Variants in INPP5B observed in about 807,000 individuals in gnomAD.
INPP5B encodes inositol polyphosphate-5-phosphatase B.
A neutral mutation model predicts 118.5 loss-of-function variants in INPP5B; 90 were observed. The ratio of observed to expected loss-of-function variants is 0.76; its 90% CI spans 0.64 to 0.90. INPP5B has a LOEUF of 0.90. INPP5B is among the 40% of genes least tolerant of loss of function. The probability of loss-of-function intolerance (pLI) is 0.00; values close to 1 mark genes in which losing one functional copy is unlikely to be tolerated. For synonymous variants in INPP5B, 385 were observed against 418.9 expected (o/e 0.92, Z 0.99); for missense variants, 984 against 1,125.6 (o/e 0.87, Z 1.80).
Position 37,918,392 on chromosome 1 carries a change from T to C in INPP5B, c.532+13521A>G, listed in dbSNP as rs942583290. On this transcript the variant is annotated intron_variant, in intron 7 of 23. Coordinates refer to ENST00000373024, the MANE Select transcript of INPP5B (RefSeq NM_005540.3). ...CCAAAGACAGCCTGATCTAAAAGGATAGATTCTTCACACATGCCATCCGCA... is the reference window on the plus strand; with the variant it reads ...CCAAAGACAGCCTGATCTAAAAGGACAGATTCTTCACACATGCCATCCGCA... Among the ~76,000 whole-genome samples, 4 of 152,196 alleles carry C rather than the reference T, an allele frequency of 2.6e-5. No individual in the cohort carries two copies. The East Asian group carries it at 5.8e-4, about 22-fold the overall frequency.
chr1:37,945,588 C>T (rs1200331976), intron 3 of INPP5B, among the ~76,000 whole-genome samples, 168 bp downstream of exon 3: 3 of 152,174 alleles, frequency 2.0e-5, no homozygotes, highest in Non-Finnish European at 2.9e-5. Context: ...TGAGTTAGTA[C>T]GTGTGCAGGG....
chr1:37,880,236 AG>A lies in INPP5B; in HGVS notation c.1432-43del, dbSNP rs756870065. On this transcript the variant is annotated intron_variant, in intron 14 of 23. Transcript: ENST00000373024. ...GAGAAAAAAAAATATCAGAATAAAA[AG>A]GTCAAACTTTGAATTAGTGGAGAAA... 3.4e-6 allele frequency: 5 copies of A among 1,458,216 alleles called. No homozygotes were observed. In the Admixed American group the frequency reaches 8.5e-5, roughly 25 times the overall value. The allele number at this position is 1,458,216 out of a possible 1,614,324, so 90.3% of individuals were successfully genotyped here.
At chr1:37,938,055 G>A (rs1010612983) in intron 6 of INPP5B, among the ~76,000 whole-genome samples, 6 of 150,118 alleles carry the variant, frequency 4.0e-5, no homozygotes, top group South Asian at 4.2e-4. Context: ...GGTGGATCAC[G>A]AGGTCAGGAG....
intron 19 of INPP5B, among the ~76,000 whole-genome samples, chr1:37,869,591 T>G (rs1642278747): frequency 6.6e-6 from 1 of 152,112 alleles, no homozygotes; most frequent in Non-Finnish European, 1.5e-5. Flanking sequence ...GCGATTCTCC[T>G]GCCTCAGCCT....
At chr1:37,882,979 G>A in intron 13 of INPP5B, 61 bp from the exon 14 acceptor site, 1 of 1,586,238 alleles carries the variant, frequency 6.3e-7, no homozygotes, top group Non-Finnish European at 8.6e-7. Flanking sequence ...GATCTACCCA[G>A]GGTGCTTCTG....
At chr1:37,934,792 A>G (rs1645621924) in intron 6 of INPP5B, among the ~76,000 whole-genome samples, 5 of 152,122 alleles carry the variant, frequency 3.3e-5, no homozygotes, top group Admixed American at 2.0e-4. Flanking sequence ...TAAAAGAAAG[A>G]AGTCATCCTT....
At chr1:37,941,958 A>AAATATATATATATATAT (rs1427344681) in intron 5 of INPP5B, 2 of 30,382 alleles carry the variant, frequency 6.6e-5, no homozygotes, top group African/African-American at 3.0e-4. Context: ...AAAAAAAAAA[A>AAATATATATATATATAT]ATATATATAT....
intron 7 of INPP5B, among the ~76,000 whole-genome samples, chr1:37,915,476 A>G (rs1644832621): frequency 6.6e-6 from 1 of 152,242 alleles, no homozygotes; most frequent in Non-Finnish European, 1.5e-5. Context: ...TCAAACTTAC[A>G]AGAAAAATTT....
At chr1:37,933,268 A>G (rs1314731968) in intron 6 of INPP5B, among the ~76,000 whole-genome samples, 1 of 152,154 alleles carries the variant, frequency 6.6e-6, no homozygotes, top group Non-Finnish European at 1.5e-5. Flanking sequence ...AATAAAATAT[A>G]TAGTAGGGCC....
At chr1:37,875,751 C>T (rs1027190720) in intron 16 of INPP5B, 35 bp from the exon 17 acceptor site, 2 of 1,510,166 alleles carry the variant, frequency 1.3e-6, no homozygotes, top group Admixed American at 1.7e-5. Context: ...AGTACCTTGG[C>T]TTCTGCCCAT....
At position 37,872,572 on chromosome 1, in the gene INPP5B, C is replaced by G. The variant is rs1025224896; in HGVS notation, c.2187+358G>C. ...TGAGCTAGCCTTCTGAATGATGAGT[C>G]CATGTGGTGAGTGAAACCCAGAGAA... is the stretch of plus-strand genomic sequence containing the variant. On this transcript the variant is annotated intron_variant, in intron 19 of 23. Coordinates refer to ENST00000373024, the MANE Select transcript of INPP5B (RefSeq NM_005540.3). Among the ~76,000 whole-genome samples, 21 of 151,430 alleles carry G rather than the reference C, an allele frequency of 1.4e-4. 1 individual carries two copies. The highest frequency in any genetic ancestry group is 1.3e-4 in the Admixed American group (2 of 15,204).
intron 7 of INPP5B, among the ~76,000 whole-genome samples, chr1:37,919,325 T>G (rs1644976374): frequency 6.6e-6 from 1 of 152,158 alleles, no homozygotes; most frequent in Non-Finnish European, 1.5e-5. Context: ...CACCAGCCTT[T>G]GCATCCCATT....
chr1:37,940,780 T>G lies in INPP5B; in HGVS notation c.299A>C (p.Gln100Pro), dbSNP rs1339285117. The change falls in exon 6 of 24, where the codon CAG (glutamine) becomes CCG (proline). Residue 100 changes from glutamine (Q) to proline (P), a missense_variant. Transcript: ENST00000373024. ...LYILGSDVTVQLDTAELSLVF... is the reference protein window; with the variant it reads ...LYILGSDVTVPLDTAELSLVF... ...GAGGCTAAGCTCTGCTGTGTCCAGC[T>G]GGACGGTCACATCTGAGCCTGCACA... is the stretch of plus-strand genomic sequence containing the variant. 3 of 1,613,592 alleles carry G rather than the reference T, an allele frequency of 1.9e-6. No homozygotes were observed. The highest frequency in any genetic ancestry group is 2.5e-6 in the Non-Finnish European group (3 of 1,179,652).
chr1:37,884,426 G>GC (rs1643392044), intron 13 of INPP5B: 1 of 151,520 alleles, frequency 6.6e-6, no homozygotes, highest in Non-Finnish European at 1.5e-5. Flanking sequence ...GGGATTACAG[G>GC]CATGCAGAAT....
intron 7 of INPP5B, among the ~76,000 whole-genome samples, chr1:37,914,664 A>G (rs1170550546): frequency 6.6e-6 from 1 of 152,208 alleles, no homozygotes; most frequent in Non-Finnish European, 1.5e-5. Context: ...GTTATCTTCA[A>G]AAAACTTTCT....
chr1:37,939,818 A>G (rs1208747731), intron 6 of INPP5B, among the ~76,000 whole-genome samples: 1 of 152,058 alleles, frequency 6.6e-6, no homozygotes, highest in East Asian at 1.9e-4. Context: ...TCATAGCTCA[A>G]TGTAGCCTTG....
At chr1:37,886,099 C>T (rs1488213146) in intron 12 of INPP5B, among the ~76,000 whole-genome samples, 5 of 151,848 alleles carry the variant, frequency 3.3e-5, no homozygotes, top group Admixed American at 6.6e-5. Flanking sequence ...ACTGGTTGAA[C>T]GCGGGAGGGA....
chr1:37,889,686 C>A lies in INPP5B; in HGVS notation c.668G>T (p.Arg223Leu), dbSNP rs541690543. Reference protein sequence around the residue: ...KSKSEITDMVRSSTITVSDKA... With the variant: ...KSKSEITDMVLSSTITVSDKA... Reference sequence around the variant, plus strand: ...GTCCGACACTGTGATAGTGGAGGAGCGAACCATGTCAGTAATTTCGGACTT... The same window carrying A: ...GTCCGACACTGTGATAGTGGAGGAGAGAACCATGTCAGTAATTTCGGACTT... Residue 223 changes from arginine (R) to leucine (L), a missense_variant, in exon 9 of 24, where the codon CGC becomes CTC. Transcript: ENST00000373024. The A allele has an allele frequency of 4.3e-6, 7 of 1,612,120 alleles. No individual in the cohort carries two copies. The highest frequency in any genetic ancestry group is 5.9e-6 in the Non-Finnish European group (7 of 1,179,280).
In INPP5B at chr1:37,868,992, T is replaced by C. The variant is rs544587090; in HGVS notation, c.2188-378A>G. On this transcript the variant is annotated intron_variant, in intron 19 of 23. Transcript: ENST00000373024. ...CACTGTTTTGATTTTCTTTTATTTT[T>C]TTTTATTTTTATTTTTTTGAGACGG... is the stretch of plus-strand genomic sequence containing the variant. 9.2e-5 allele frequency among the ~76,000 whole-genome samples: 14 copies of C among 152,248 alleles called. No homozygotes were observed. In the South Asian group the frequency reaches 2.9e-3, roughly 32 times the overall value.
Sources: gnomAD v4.1 joint callset for allele counts (sites outside exome capture counted in the v4.1 genomes callset) on GRCh38, gnomAD v4.1.1 for gene constraint, MANE v1.5 for transcripts, NCBI Gene and HGNC (gene_info 2026-07-23, HGNC 2026-07-21) for gene names.